The following CNTN5 variants were observed in gnomAD, a reference collection of about 807,000 sequenced individuals.
CNTN5 encodes contactin-5.
CNTN5 carries 77 observed loss-of-function variants against 129.1 expected under a neutral mutation model. That is an observed-to-expected ratio of 0.60 (90% CI 0.50 to 0.72). The LOEUF (loss-of-function observed/expected upper bound fraction) is 0.72, where lower values mean the gene tolerates loss of function less well. CNTN5 is among the 30% of genes least tolerant of loss of function. The pLI, the probability that CNTN5 is intolerant of heterozygous loss-of-function variation, is 0.00. For synonymous variants in CNTN5, 509 were observed against 465.6 expected, an observed-to-expected ratio of 1.09 and a Z score of -1.20; for missense variants, 1,478 against 1,328.8, an observed-to-expected ratio of 1.11 and a Z score of -1.75.
chr11:99,720,982 T>A (rs1440899887), intron 3 of CNTN5, among the ~76,000 whole-genome samples: 1 of 151,928 alleles, frequency 6.6e-6, no homozygotes, highest in African/African-American at 2.4e-5. Flanking sequence ...AATAGACTCC[T>A]CAAAGAAGAC....
intron 3 of CNTN5, among the ~76,000 whole-genome samples, chr11:99,813,275 A>G (rs189400600): frequency 6.6e-6 from 1 of 152,282 alleles, no homozygotes; most frequent in Non-Finnish European, 1.5e-5. Flanking sequence ...CAATATTTCT[A>G]TTTCACTGAG....
intron 2 of CNTN5, among the ~76,000 whole-genome samples, chr11:99,340,606 C>G (rs1866467005): frequency 6.6e-6 from 1 of 152,156 alleles, no homozygotes; most frequent in African/African-American, 2.4e-5. Context: ...GTTACTGTTA[C>G]TTGCTAAGAG....
At chr11:99,676,690 G>A (rs143410209) in intron 3 of CNTN5, among the ~76,000 whole-genome samples, 1,528 of 152,102 alleles carry the variant, frequency 0.01, 19 homozygotes, top group Middle Eastern at 0.034. Context: ...AAACCTGCAC[G>A]TTGTGCCCAT....
In CNTN5 at chr11:100,220,004, G is replaced by A. The variant is rs538410676; in HGVS notation, c.1885-4688G>A. 9.2e-5 allele frequency among the ~76,000 whole-genome samples: 14 copies of A among 152,190 alleles called. 1 individual carries two copies. The highest frequency in any genetic ancestry group is 6.5e-4 in the Admixed American group (10 of 15,286). On this transcript the variant is annotated intron_variant, in intron 15 of 24. Coordinates refer to ENST00000524871, the MANE Select transcript of CNTN5 (RefSeq NM_014361.4). ...ACTTTAAACAAATTACCAGCTGGGC[G>A]TGGTGGCTCATGCCTGTAATCTGAG...
At chr11:99,056,331 G>A (rs1043792554) in intron 1 of CNTN5, among the ~76,000 whole-genome samples, 43 of 152,008 alleles carry the variant, frequency 2.8e-4, no homozygotes, top group African/African-American at 1.0e-3. Flanking sequence ...AGCATAAATG[G>A]TTTTATTGGA....
chr11:99,274,112 C>A (rs1007777566), intron 1 of CNTN5, among the ~76,000 whole-genome samples: 2 of 151,744 alleles, frequency 1.3e-5, no homozygotes, highest in African/African-American at 4.8e-5. Flanking sequence ...TTAGACTGTG[C>A]AGATATGTCA....
intron 1 of CNTN5, among the ~76,000 whole-genome samples, chr11:99,131,769 A>G (rs932802995): frequency 2.6e-5 from 4 of 151,514 alleles, no homozygotes; most frequent in Non-Finnish European, 5.9e-5. Flanking sequence ...GAGCTTGCCA[A>G]TCAAAAAAAG....
intron 4 of CNTN5, among the ~76,000 whole-genome samples, chr11:99,820,515 A>G (rs1373532233): frequency 1.3e-5 from 2 of 152,428 alleles, no homozygotes; most frequent in African/African-American, 4.8e-5. Flanking sequence ...TTTGAATAAC[A>G]TTTTCTAGAT....
chr11:99,825,598 A>G (rs1402909988), intron 4 of CNTN5, among the ~76,000 whole-genome samples: 1 of 152,060 alleles, frequency 6.6e-6, no homozygotes, highest in Non-Finnish European at 1.5e-5. Flanking sequence ...GTGACAAACT[A>G]TCTTAGTCTT....
At chr11:99,926,187 AG>A (rs1950058326) in intron 7 of CNTN5, among the ~76,000 whole-genome samples, 3 of 152,268 alleles carry the variant, frequency 2.0e-5, no homozygotes, top group Admixed American at 6.5e-5. Context: ...CTTTTGAGAA[AG>A]GGGTTGCCTT....
rs1950049457 is a variant in CNTN5 at position 100,255,624 on chromosome 11, T to C, written c.2006-136T>C. ...CCAACTTGCATCCATGACTTTTTGT[T>C]GTCAATTTTAATTACTAAATTCATA... On this transcript the variant is annotated intron_variant, in intron 16 of 24. Transcript: ENST00000524871. 4 of 716,428 alleles carry C rather than the reference T, an allele frequency of 5.6e-6. No individual in the cohort carries two copies. The Admixed American group carries it at 1.3e-4, about 23-fold the overall frequency. The allele number at this position is 716,428 out of a possible 1,614,324, so 44.4% of individuals were successfully genotyped here. A position where few individuals can be genotyped will look rare whatever the true frequency, so the allele number is the denominator to read the frequency against.
At chr11:100,285,226 G>A (rs1950747337) in intron 18 of CNTN5, among the ~76,000 whole-genome samples, 1 of 152,040 alleles carries the variant, frequency 6.6e-6, no homozygotes, top group Admixed American at 6.6e-5. Context: ...TTTTCATATT[G>A]AGAAAACATT....
At chr11:100,195,070 T>C (rs1187703270) in intron 15 of CNTN5, among the ~76,000 whole-genome samples, 1 of 151,996 alleles carries the variant, frequency 6.6e-6, no homozygotes, top group East Asian at 1.9e-4. Context: ...CTTCTTCCTT[T>C]ACCTTGGGTG....
chr11:100,293,477 G>C (rs370180115), intron 18 of CNTN5, among the ~76,000 whole-genome samples: 16 of 151,832 alleles, frequency 1.1e-4, no homozygotes, highest in African/African-American at 3.1e-4. Context: ...CGTGTGTATA[G>C]ACTCACGATG....
chr11:99,317,279 G>A (rs1361932729), intron 1 of CNTN5, among the ~76,000 whole-genome samples: 2 of 152,100 alleles, frequency 1.3e-5, no homozygotes, highest in African/African-American at 4.8e-5. Context: ...GTTACTTGCT[G>A]CAGACAGCCC....
At chr11:100,336,803 G>C in intron 21 of CNTN5, 1 of 364,330 alleles carries the variant, frequency 2.7e-6, no homozygotes, top group South Asian at 3.1e-5. Context: ...GGTGTTCTGC[G>C]ACTTCCCCAG....
At chr11:100,163,144 A>T (rs1947515551) in intron 13 of CNTN5, among the ~76,000 whole-genome samples, 1 of 151,674 alleles carries the variant, frequency 6.6e-6, no homozygotes, top group South Asian at 2.1e-4. Context: ...AAAAACAAAA[A>T]AATTGATATT....
At chr11:99,809,405 T>A (rs979055852) in intron 3 of CNTN5, among the ~76,000 whole-genome samples, 23 of 152,206 alleles carry the variant, frequency 1.5e-4, no homozygotes, top group African/African-American at 5.3e-4. Flanking sequence ...TATTATACTT[T>A]TTAAAAATTT....
intron 3 of CNTN5, among the ~76,000 whole-genome samples, chr11:99,750,775 A>G (rs1445579581): frequency 6.6e-6 from 1 of 152,208 alleles, no homozygotes; most frequent in Non-Finnish European, 1.5e-5. Flanking sequence ...ATAATCTTTG[A>G]GAATATTCCC....
Sources: gnomAD v4.1 joint callset for allele counts (sites outside exome capture counted in the v4.1 genomes callset) on GRCh38, gnomAD v4.1.1 for gene constraint, MANE v1.5 for transcripts, NCBI Gene and HGNC (gene_info 2026-07-23, HGNC 2026-07-21) for gene names.